The following RBM33 variants were observed in gnomAD, a reference collection of about 807,000 sequenced individuals.
RBM33 encodes the protein RNA-binding protein 33.
A neutral mutation model predicts 132.6 loss-of-function variants in RBM33; 28 were observed. The observed-to-expected ratio is 0.21, with a 90% CI of 0.16 to 0.29. RBM33 has a LOEUF of 0.29. Among genes scored for constraint, RBM33 ranks in the 10% least tolerant of loss-of-function variants. The probability of loss-of-function intolerance (pLI) is 1.00; values close to 1 mark genes in which losing one functional copy is unlikely to be tolerated. For missense variants in RBM33, 1,291 were observed against 1,518.5 expected (o/e 0.85, Z 2.49); for synonymous variants, 634 against 593.0 (o/e 1.07, Z -1.01).
In RBM33 at chr7:155,685,135, C is replaced by T. The variant is rs572865479; in HGVS notation, c.567+4227C>T. The T allele has an allele frequency of 5.8e-5, 81 of 1,386,936 alleles. No individual in the cohort carries two copies. The African/African-American group carries it at 6.5e-4, about 11-fold the overall frequency. The allele number at this position is 1,386,936 out of a possible 1,614,324, so 85.9% of individuals were successfully genotyped here. A position where few individuals can be genotyped will look rare whatever the true frequency, so the allele number is the denominator to read the frequency against. ...AAAATGAGCATCTTTTTAGCATTAGCGAAAGTCGATACGTATCTTTGAACT... is the reference window on the plus strand; with the variant it reads ...AAAATGAGCATCTTTTTAGCATTAGTGAAAGTCGATACGTATCTTTGAACT... On this transcript the variant is annotated intron_variant, in intron 5 of 17. Transcript: ENST00000401878.
Position 155,668,265 on chromosome 7 carries a change from C to T in RBM33, c.122+3012C>T, listed in dbSNP as rs180898342. ...GTGCTTTTTGATGGTTTGAATTGGG[C>T]GCACATGGTCATTGATGGGTATGTC... On this transcript the variant is annotated intron_variant, in intron 2 of 17. Coordinates refer to ENST00000401878, the MANE Select transcript of RBM33 (RefSeq NM_053043.3). Among the ~76,000 whole-genome samples, 8 of 152,210 alleles carry T rather than the reference C, an allele frequency of 5.3e-5. No individual in the cohort carries two copies. The East Asian group carries it at 5.8e-4, about 11-fold the overall frequency.
At chr7:155,674,967 A>G (rs1376848297) in intron 3 of RBM33, among the ~76,000 whole-genome samples, 1 of 152,214 alleles carries the variant, frequency 6.6e-6, no homozygotes, top group African/African-American at 2.4e-5. Context: ...CGTGACTAAC[A>G]TTTTGCCATC....
intron 9 of RBM33, among the ~76,000 whole-genome samples, chr7:155,719,025 C>G (rs533496696): frequency 6.6e-6 from 1 of 152,220 alleles, no homozygotes; most frequent in Non-Finnish European, 1.5e-5. Flanking sequence ...TTTGCTGTAT[C>G]TTCAGTAATT....
At chr7:155,772,168 TAAA>T (rs879331569) in intron 16 of RBM33, among the ~76,000 whole-genome samples, 6,390 of 152,318 alleles carry the variant, frequency 0.042, 137 homozygotes, top group Middle Eastern at 0.058. Context: ...GAGTGTTGTT[TAAA>T]CCCCCCAGGA....
At chr7:155,650,849 A>G (rs768517541) in intron 1 of RBM33, among the ~76,000 whole-genome samples, 6 of 152,188 alleles carry the variant, frequency 3.9e-5, no homozygotes, top group Non-Finnish European at 5.9e-5. Flanking sequence ...GAGTTAAGCA[A>G]TGCCACAGCT....
At chr7:155,671,333 T>G (rs774224287) in intron 2 of RBM33, among the ~76,000 whole-genome samples, 1 of 152,240 alleles carries the variant, frequency 6.6e-6, no homozygotes, top group Non-Finnish European at 1.5e-5. Flanking sequence ...GGCTGTTAAG[T>G]TCTTGTCCTG....
chr7:155,653,556 G>A (rs1043756848), intron 1 of RBM33, among the ~76,000 whole-genome samples: 1 of 136,816 alleles, frequency 7.3e-6, no homozygotes, highest in African/African-American at 2.8e-5. Flanking sequence ...AGAACGTTCA[G>A]GCTCAACCCC....
At chr7:155,706,482 A>G (rs1800116564) in intron 6 of RBM33, among the ~76,000 whole-genome samples, 1 of 151,676 alleles carries the variant, frequency 6.6e-6, no homozygotes, top group African/African-American at 2.4e-5. Flanking sequence ...CAACAAAGTG[A>G]GACTCTGTCT....
At chr7:155,662,812 G>A (rs1292544471) in intron 1 of RBM33, among the ~76,000 whole-genome samples, 1 of 152,186 alleles carries the variant, frequency 6.6e-6, no homozygotes, top group Non-Finnish European at 1.5e-5. Flanking sequence ...GGGTAGGTGG[G>A]GGTGGGATGG....
At chr7:155,687,576 C>T (rs1799516676) in intron 5 of RBM33, among the ~76,000 whole-genome samples, 1 of 152,054 alleles carries the variant, frequency 6.6e-6, no homozygotes, top group African/African-American at 2.4e-5. Context: ...AATGGTATTG[C>T]CTAGGTTTTC....
chr7:155,662,031 C>T (rs1243527295), intron 1 of RBM33, among the ~76,000 whole-genome samples: 1 of 152,086 alleles, frequency 6.6e-6, no homozygotes, highest in African/African-American at 2.4e-5. Context: ...CTGTTATTTG[C>T]TTCTTCACTC....
intron 14 of RBM33, among the ~76,000 whole-genome samples, chr7:155,753,789 C>T (rs1801760727): frequency 6.6e-6 from 1 of 152,194 alleles, no homozygotes; most frequent in South Asian, 2.1e-4. Context: ...GGGCAGGCAC[C>T]TCATGCCTGC....
chr7:155,668,346 A>G (rs1304915026), intron 2 of RBM33, among the ~76,000 whole-genome samples: 1 of 152,022 alleles, frequency 6.6e-6, no homozygotes, highest in Non-Finnish European at 1.5e-5. Flanking sequence ...GTTCCATGCA[A>G]TTTTTGTTGA....
chr7:155,757,266 G>A (rs904046651), intron 14 of RBM33, among the ~76,000 whole-genome samples: 1 of 152,140 alleles, frequency 6.6e-6, no homozygotes, highest in African/African-American at 2.4e-5. Flanking sequence ...TCACATTCTA[G>A]TGTGAACTGG....
In RBM33 at chr7:155,739,912, G is replaced by T; in HGVS notation, c.1935G>T (p.Pro645=). 2 of 1,528,216 alleles carry T rather than the reference G, an allele frequency of 1.3e-6. No individual in the cohort carries two copies. The highest frequency in any genetic ancestry group is 1.8e-6 in the Non-Finnish European group (2 of 1,135,084). 94.7% of individuals were successfully genotyped at this position (1,528,216 alleles called of 1,614,324 possible). Residue 645 remains proline (P), a synonymous_variant, in exon 12 of 18, where the codon CCG becomes CCT. Coordinates refer to ENST00000401878, the MANE Select transcript of RBM33 (RefSeq NM_053043.3). ...HHHHHHHLSV[P]PPPLMPMSQP... Reference sequence around the variant, plus strand: ...ACCACCACCACCACCTGTCCGTCCCGCCCCCTCCTTTGATGCCGATGTCTC... The same window carrying T: ...ACCACCACCACCACCTGTCCGTCCCTCCCCCTCCTTTGATGCCGATGTCTC...
intron 3 of RBM33, among the ~76,000 whole-genome samples, chr7:155,677,203 A>G (rs915208049): frequency 7.0e-6 from 1 of 143,134 alleles, no homozygotes; most frequent in African/African-American, 2.6e-5. Flanking sequence ...CCTAACGGAA[A>G]CTTCATTTTC....
chr7:155,673,939 A>AGTTGTTGTTTGTTTTTTTT (rs144951964), intron 3 of RBM33, among the ~76,000 whole-genome samples: 1 of 14,348 alleles, frequency 7.0e-5, no homozygotes, highest in East Asian at 2.0e-3. Context: ...GTTTAGGCTT[A>AGTTGTTGTTTGTTTTTTTT]GTTTTTTTTT....
intron 1 of RBM33, among the ~76,000 whole-genome samples, chr7:155,662,360 A>G (rs1199047430): frequency 1.3e-5 from 2 of 151,976 alleles, no homozygotes. Context: ...CAGCTCATCT[A>G]CATTCTGGCC....
At chr7:155,751,406 CATCTT>C (rs750034911) in intron 14 of RBM33, among the ~76,000 whole-genome samples, 24 of 152,324 alleles carry the variant, frequency 1.6e-4, no homozygotes, top group Admixed American at 7.8e-4. Context: ...CTGATACTAT[CATCTT>C]ATCCATAGTA....
Sources: gnomAD v4.1 joint callset for allele counts (sites outside exome capture counted in the v4.1 genomes callset) on GRCh38, gnomAD v4.1.1 for gene constraint, MANE v1.5 for transcripts, NCBI Gene and HGNC (gene_info 2026-07-23, HGNC 2026-07-21) for gene names.